The following NMRK1 variants were observed in gnomAD, a reference collection of about 807,000 sequenced individuals.
NMRK1 encodes nicotinamide riboside kinase 1.
Under a neutral mutation model 29.9 loss-of-function variants are expected in NMRK1, and 28 were observed. That is an observed-to-expected ratio of 0.94 (90% CI 0.69 to 1.28). NMRK1 has a LOEUF of 1.28. NMRK1 is among the 50% of genes most tolerant of loss of function. NMRK1 has a pLI of 0.00. For synonymous variants in NMRK1, 58 were observed against 73.0 expected (o/e 0.79, Z 1.05); for missense variants, 218 against 233.1 (o/e 0.94, Z 0.42).
At chr9:75,064,949 C>T (rs563379188) in intron 8 of NMRK1, among the ~76,000 whole-genome samples, 4 of 152,144 alleles carry the variant, frequency 2.6e-5, no homozygotes, top group Admixed American at 1.3e-4. Flanking sequence ...CATGTTTTTT[C>T]GACTTTCTTC....
At chr9:75,084,775 G>C (rs1824522181) in intron 1 of NMRK1, among the ~76,000 whole-genome samples, 1 of 152,220 alleles carries the variant, frequency 6.6e-6, no homozygotes, top group African/African-American at 2.4e-5. Context: ...GGGTGGCAGA[G>C]TGAGGCCCTG....
At chr9:75,076,802 A>T (rs1050688605) in intron 4 of NMRK1, among the ~76,000 whole-genome samples, 1 of 152,158 alleles carries the variant, frequency 6.6e-6, no homozygotes, top group African/African-American at 2.4e-5. Flanking sequence ...TATGTTGCTC[A>T]GGCTGGTCTG....
chr9:75,064,289 G>A (rs770122363), intron 8 of NMRK1, among the ~76,000 whole-genome samples: 16 of 152,220 alleles, frequency 1.1e-4, no homozygotes, highest in Non-Finnish European at 1.5e-4. Flanking sequence ...CCCAAGCACT[G>A]GCCATTGCTG....
Position 75,069,747 on chromosome 9 carries a change from C to T in NMRK1, c.384G>A (p.Arg128=). 1.2e-6 allele frequency: 2 copies of T among 1,610,014 alleles called. No individual in the cohort carries two copies. The highest frequency in any genetic ancestry group is 1.7e-6 in the Non-Finnish European group (2 of 1,178,112). ...LTIPYEECKR[R]RSTRVYQPPD... Reference sequence around the variant, plus strand: ...AAGATGGCTTCAAAACTTACCTCCTCCTCCTTTTACATTCTTCATATGGAA... The same window carrying T: ...AAGATGGCTTCAAAACTTACCTCCTTCTCCTTTTACATTCTTCATATGGAA... The change falls in exon 6 of 9, where the codon AGG becomes AGA. Residue 128 remains arginine, a synonymous_variant. Coordinates refer to ENST00000361092, the MANE Select transcript of NMRK1 (RefSeq NM_017881.3).
rs1419292543 is a variant in NMRK1 at position 75,069,992 on chromosome 9, T to C, written c.220A>G (p.Met74Val). 1 of 1,613,618 alleles carries C rather than the reference T, an allele frequency of 6.2e-7. No individual in the cohort carries two copies. Among genetic ancestry groups the C allele is most frequent in the Non-Finnish European group, 8.5e-7 (1 of 1,179,862 alleles). ...ACCACAGAGTGTCTTGCGCTTTCCA[T>C]CCAGCAGGAAATGGCTGACATCATT... ...EKMMSAISCW[M>V]ESARHSVVST... Residue 74 changes from methionine to valine, a missense_variant, in exon 5 of 9, where the codon ATG becomes GTG. Coordinates refer to ENST00000361092, the MANE Select transcript of NMRK1 (RefSeq NM_017881.3).
At chr9:75,065,033 T>C (rs940006602) in intron 8 of NMRK1, among the ~76,000 whole-genome samples, 5 of 152,224 alleles carry the variant, frequency 3.3e-5, no homozygotes, top group African/African-American at 1.2e-4. Context: ...AATAGGGCTG[T>C]CTGTCTCCCA....
intron 2 of NMRK1, chr9:75,078,718 C>A: frequency 4.0e-6 from 1 of 252,782 alleles, no homozygotes; most frequent in Non-Finnish European, 6.8e-6. Flanking sequence ...TGACATTCAC[C>A]AAGAGAAATC....
In NMRK1 at chr9:75,069,950, T is replaced by C; in HGVS notation, c.262A>G (p.Ser88Gly). 6.2e-7 allele frequency: 1 copy of C among 1,614,022 alleles called. No homozygotes were observed. Among genetic ancestry groups the C allele is most frequent in the Non-Finnish European group, 8.5e-7 (1 of 1,179,926 alleles). The change falls in exon 5 of 9, where the codon AGT (serine) becomes GGT (glycine). Residue 88 changes from serine to glycine, a missense_variant. By Grantham distance (56) the Ser-to-Gly change is moderately conservative. Transcript: ENST00000361092. ...RHSVVSTDQE[S>G]AEEIPILIIE... ...ATTAAAATGGGAATTTCCTCAGCAC[T>C]TTCCTGGTCTGTTGATACCACAGAG... is the stretch of plus-strand genomic sequence containing the variant.
intron 4 of NMRK1, among the ~76,000 whole-genome samples, chr9:75,070,449 T>A (rs61345958): frequency 0.043 from 6,571 of 152,292 alleles, 144 homozygotes; most frequent in Admixed American, 0.058. Flanking sequence ...ATATCTGTAA[T>A]GTCTTTGGCA....
rs372473093 is a variant in NMRK1, at chr9:75,075,072, C to T, written c.169+2087G>A. Among the ~76,000 whole-genome samples the T allele has an allele frequency of 1.8e-4, 28 of 152,122 alleles. 2 individuals carry two copies. The highest frequency in any genetic ancestry group is 1.0e-3 in the Admixed American group (16 of 15,278). Reference sequence around the variant, plus strand: ...TAATTATCATTGCTTTAAACATCTTCGTTTACTTGGTAAGTGGGAAAAAAA... The same window carrying T: ...TAATTATCATTGCTTTAAACATCTTTGTTTACTTGGTAAGTGGGAAAAAAA... On this transcript the variant is annotated intron_variant, in intron 4 of 8. Coordinates refer to ENST00000361092, the MANE Select transcript of NMRK1 (RefSeq NM_017881.3).
chr9:75,073,997 A>C (rs1823845685), intron 4 of NMRK1, among the ~76,000 whole-genome samples: 1 of 152,114 alleles, frequency 6.6e-6, no homozygotes, highest in Non-Finnish European at 1.5e-5. Flanking sequence ...AGGTGTTTCC[A>C]TCATGGATCT....
chr9:75,070,111 G>A (rs959125267), intron 4 of NMRK1, 69 bp from the exon 5 acceptor site: 18 of 1,262,102 alleles, frequency 1.4e-5, no homozygotes, highest in South Asian at 2.7e-5. Flanking sequence ...TTTTTGTGAT[G>A]AGTATATCCA....
intron 2 of NMRK1, chr9:75,078,210 G>A (rs1824115680): frequency 3.4e-6 from 5 of 1,453,490 alleles, no homozygotes; most frequent in Non-Finnish European, 4.6e-6. Flanking sequence ...ATGCAACACA[G>A]AGAATATGAG....
intron 4 of NMRK1, among the ~76,000 whole-genome samples, chr9:75,075,042 C>T (rs553206219): frequency 3.1e-4 from 47 of 152,318 alleles, no homozygotes; most frequent in Non-Finnish European, 5.7e-4. Context: ...CATGCTATCA[C>T]TGGCTAATTA....
At chr9:75,069,854 C>T in intron 5 of NMRK1, 41 bp from the exon 6 acceptor site, 2 of 1,611,470 alleles carry the variant, frequency 1.2e-6, no homozygotes, top group South Asian at 2.2e-5. Flanking sequence ...GTTTTTATCC[C>T]CCCATTCACT....
intron 4 of NMRK1, among the ~76,000 whole-genome samples, chr9:75,073,643 G>T (rs1340513914): frequency 1.3e-5 from 2 of 152,140 alleles, no homozygotes; most frequent in South Asian, 4.1e-4. Flanking sequence ...GGAGGCTGAG[G>T]CATGAGAATT....
rs1414747406 is a variant in NMRK1, at chr9:75,070,012, A to G, written c.200T>C (p.Met67Thr). The G allele has an allele frequency of 1.1e-5, 17 of 1,613,518 alleles. No homozygotes were observed. Among genetic ancestry groups the G allele is most frequent in the Admixed American group, 1.7e-5 (1 of 59,896 alleles). The change falls in exon 5 of 9, where the codon ATG becomes ACG. Residue 67 changes from methionine (M) to threonine (T), a missense_variant. Physicochemically the swap from Met to Thr is moderately conservative, Grantham distance 81 (BLOSUM62 -1). Coordinates refer to ENST00000361092, the MANE Select transcript of NMRK1 (RefSeq NM_017881.3). ...TTCCATCCAGCAGGAAATGGCTGAC[A>G]TCATTTTTTCCATGTTAAGTGCTTC... ...VLEALNMEKMMSAISCWMESA... is the reference protein window; with the variant it reads ...VLEALNMEKMTSAISCWMESA...
intron 4 of NMRK1, among the ~76,000 whole-genome samples, chr9:75,071,278 C>A (rs557160345): frequency 1.3e-5 from 2 of 152,250 alleles, no homozygotes; most frequent in African/African-American, 4.8e-5. Flanking sequence ...TGCTAATGAG[C>A]CAATCCAGTG....
At chr9:75,082,938 C>A in intron 2 of NMRK1, 149 bp downstream of exon 2, 1 of 638,644 alleles carries the variant, frequency 1.6e-6, no homozygotes. Context: ...ATTTATGAAG[C>A]CAGTGCTCCA....
Sources: gnomAD v4.1 joint callset for allele counts (sites outside exome capture counted in the v4.1 genomes callset) on GRCh38, gnomAD v4.1.1 for gene constraint, MANE v1.5 for transcripts, NCBI Gene and HGNC (gene_info 2026-07-23, HGNC 2026-07-21) for gene names.